Variants in LRIT3 observed in about 807,000 individuals in gnomAD.
The protein encoded by LRIT3 is leucine rich repeat, Ig-like and transmembrane domains 3, also known as leucine-rich repeat, immunoglobulin-like domain and transmembrane domain-containing protein 3.
Under a neutral mutation model 22.6 loss-of-function variants are expected in LRIT3, and 14 were observed. The ratio of observed to expected loss-of-function variants is 0.62; its 90% confidence interval spans 0.41 to 0.97. The LOEUF (loss-of-function observed/expected upper bound fraction) is 0.97. Among genes scored for constraint, LRIT3 ranks in the 50% least tolerant of loss-of-function variants. The pLI is 0.00. For missense variants in LRIT3, 783 were observed against 803.0 expected (o/e 0.98, Z 0.30); for synonymous variants, 306 against 304.5 (o/e 1.01, Z -0.05).
chr4:109,858,840 T>C (rs935624374), intron 2 of LRIT3, among the ~76,000 whole-genome samples: 5 of 152,194 alleles, frequency 3.3e-5, no homozygotes, highest in South Asian at 4.1e-4. Context: ...ACCAGTAATA[T>C]GTTTAATATG....
intron 1 of LRIT3, among the ~76,000 whole-genome samples, chr4:109,850,507 C>T (rs1047965409): frequency 2.8e-5 from 4 of 145,302 alleles, no homozygotes; most frequent in African/African-American, 1.0e-4. Flanking sequence ...GATGGAGTCT[C>T]GCTCTGTCAC....
At chr4:109,863,084 G>A (rs1734588188) in intron 2 of LRIT3, among the ~76,000 whole-genome samples, 1 of 152,162 alleles carries the variant, frequency 6.6e-6, no homozygotes, top group Non-Finnish European at 1.5e-5. Context: ...GATAGAAAGG[G>A]TATTAGATTA....
chr4:109,852,038 G>A, intron 2 of LRIT3, 62 bp downstream of exon 2: 1 of 1,408,512 alleles, frequency 7.1e-7, no homozygotes, highest in Non-Finnish European at 9.4e-7. Flanking sequence ...AGCTTTTTTT[G>A]TCCAGTCTTT....
rs867290222 is a variant in LRIT3, at chr4:109,851,608, C to A, written c.221C>A (p.Ala74Glu). Residue 74 changes from alanine (A) to glutamate (E), a missense_variant, in exon 2 of 4, where the codon GCG becomes GAG. Transcript: ENST00000594814. ...IEKTVIRRIS[A>E]EAFYYLVELQ... Reference sequence around the variant, plus strand: ...AAGACTGTCATCCGCAGAATCTCTGCGGAGGCCTTCTATTACCTGGTGGAG... The same window carrying A: ...AAGACTGTCATCCGCAGAATCTCTGAGGAGGCCTTCTATTACCTGGTGGAG... 1.3e-6 allele frequency: 2 copies of A among 1,551,620 alleles called. No homozygotes were observed. The highest frequency in any genetic ancestry group is 1.7e-6 in the Non-Finnish European group (2 of 1,147,014).
chr4:109,865,886 T>C (rs1489082903), intron 2 of LRIT3, among the ~76,000 whole-genome samples: 1 of 151,998 alleles, frequency 6.6e-6, no homozygotes, highest in Non-Finnish European at 1.5e-5. Flanking sequence ...CATAGCAATA[T>C]AAAATAAACT....
In LRIT3 at chr4:109,869,954, T is replaced by C; in HGVS notation, c.1205T>C (p.Leu402Ser). The change falls in exon 4 of 4, where the codon TTG (leucine) becomes TCG (serine). Residue 402 changes from leucine to serine, a missense_variant. Transcript: ENST00000594814. The part of the protein sequence containing the change: ...SPTSSFSAST[L>S]SPPSTASFSL... ...ACATCTTCTTTTTCTGCTTCTACTT[T>C]GTCTCCTCCCTCTACTGCTTCCTTC... 1 of 1,614,182 alleles carries C rather than the reference T, an allele frequency of 6.2e-7. No homozygotes were observed. The highest frequency in any genetic ancestry group is 8.5e-7 in the Non-Finnish European group (1 of 1,180,012).
At chr4:109,857,440 A>G (rs1055084748) in intron 2 of LRIT3, among the ~76,000 whole-genome samples, 26 of 152,244 alleles carry the variant, frequency 1.7e-4, no homozygotes, top group South Asian at 8.3e-4. Context: ...CTGTTGTCTT[A>G]GTTTTCAAGG....
chr4:109,849,566 G>A lies in LRIT3; in HGVS notation c.116+1249G>A, dbSNP rs74853479. Among the ~76,000 whole-genome samples the A allele has an allele frequency of 0.011, 1,739 of 152,218 alleles. 81 individuals are homozygous for A. The East Asian group carries it at 0.12, about 10-fold the overall frequency. On this transcript the variant is annotated intron_variant, in intron 1 of 3. Transcript: ENST00000594814. ...TCATAAAGATGCTAGATCTTTTAGC[G>A]TACAAACTAGACTTTCTTCTATGAT...
rs1157741703 is a variant in LRIT3, at chr4:109,870,098, G to T, written c.1349G>T (p.Arg450Ile). The T allele has an allele frequency of 5.0e-6, 8 of 1,614,164 alleles. No homozygotes were observed. Among genetic ancestry groups the T allele is most frequent in the Admixed American group, 1.7e-5 (1 of 60,028 alleles). ...RSFQLHQGGK[R>I]NLKVAKNGSK... Reference sequence around the variant, plus strand: ...TTCCAGCTCCACCAAGGTGGGAAAAGAAATTTAAAGGTGGCAAAGAATGGA... The same window carrying T: ...TTCCAGCTCCACCAAGGTGGGAAAATAAATTTAAAGGTGGCAAAGAATGGA... Residue 450 changes from arginine (R) to isoleucine (I), a missense_variant, in exon 4 of 4, where the codon AGA becomes ATA. By Grantham distance (97) the Arg-to-Ile change is moderately conservative. This residue lies in a region of LRIT3 where 756 missense variants were observed against 753.8 expected (regional missense o/e 1.00). Coordinates refer to ENST00000594814, the MANE Select transcript of LRIT3 (RefSeq NM_198506.5).
At chr4:109,850,429 T>TTC (rs1734209894) in intron 1 of LRIT3, among the ~76,000 whole-genome samples, 1 of 84,488 alleles carries the variant, frequency 1.2e-5, no homozygotes, top group Admixed American at 1.4e-4. Context: ...CTTCCTTTCT[T>TTC]TCTTTCTTTC....
chr4:109,859,042 C>T (rs1238014896), intron 2 of LRIT3, among the ~76,000 whole-genome samples: 1 of 152,134 alleles, frequency 6.6e-6, no homozygotes, highest in Non-Finnish European at 1.5e-5. Flanking sequence ...TGCACATAAG[C>T]TAATTTTCCA....
At chr4:109,853,401 C>T (rs1387382753) in intron 2 of LRIT3, among the ~76,000 whole-genome samples, 4 of 152,078 alleles carry the variant, frequency 2.6e-5, no homozygotes, top group Non-Finnish European at 5.9e-5. Context: ...AGTGTCTGTT[C>T]ATATCCTCTG....
At chr4:109,865,007 G>A (rs190255092) in intron 2 of LRIT3, 14 of 1,245,946 alleles carry the variant, frequency 1.1e-5, no homozygotes, top group Middle Eastern at 2.2e-4. Flanking sequence ...TTACAAATTA[G>A]GCATTCTATC....
rs1468100816 is a variant in LRIT3 at position 109,870,539 on chromosome 4, C to T, written c.1790C>T (p.Pro597Leu). ...AGTACTGCCTGTGTTGTTATCTTACCATTGATTTGTTTCTTGTTGTACAAA... is the reference window on the plus strand; with the variant it reads ...AGTACTGCCTGTGTTGTTATCTTACTATTGATTTGTTTCTTGTTGTACAAA... ...VTSTACVVIL[P>L]LICFLLYKVC... Residue 597 changes from proline to leucine, a missense_variant, in exon 4 of 4, where the codon CCA (proline) becomes CTA (leucine). Around this residue, in one of 2 missense-constraint regions of LRIT3, gnomAD observed 756 missense variants for 753.8 expected, o/e 1.00. Coordinates refer to ENST00000594814, the MANE Select transcript of LRIT3 (RefSeq NM_198506.5). 1.2e-6 allele frequency: 2 copies of T among 1,613,990 alleles called. No homozygotes were observed. Among genetic ancestry groups the T allele is most frequent in the African/African-American group, 2.7e-5 (2 of 74,900 alleles).
rs573502325 is a variant in LRIT3, at chr4:109,870,306, T to C, written c.1557T>C (p.Tyr519=). 8.1e-6 allele frequency: 13 copies of C among 1,614,202 alleles called. No homozygotes were observed. In the Admixed American group the frequency reaches 1.5e-4, roughly 19 times the overall value. Residue 519 remains tyrosine, a synonymous_variant, in exon 4 of 4, where the codon TAT becomes TAC. Transcript: ENST00000594814. ...TTHNSAVTVL[Y]SKYGGKDLLL... ...ATAACTCTGCAGTGACTGTGTTGTA[T>C]TCCAAGTATGGTGGGAAGGACCTGC... is the stretch of plus-strand genomic sequence containing the variant.
intron 2 of LRIT3, among the ~76,000 whole-genome samples, chr4:109,859,200 C>T (rs1209867133): frequency 1.3e-5 from 2 of 152,172 alleles, no homozygotes; most frequent in East Asian, 1.9e-4. Flanking sequence ...TCACCACCTT[C>T]TGGTCCCACG....
rs61742440 is a variant in LRIT3 at position 109,851,659 on chromosome 4, A to G, written c.272A>G (p.Asn91Ser). The change falls in exon 2 of 4, where the codon AAT (asparagine) becomes AGT (serine). Residue 91 changes from asparagine (N) to serine (S), a missense_variant. Around this residue, in one of 2 missense-constraint regions of LRIT3, gnomAD observed 756 missense variants for 753.8 expected, o/e 1.00. Transcript: ENST00000594814. Reference protein sequence around the residue: ...VELQYLWVTYNSVASIDPSSF... With the variant: ...VELQYLWVTYSSVASIDPSSF... ...CTCCAGTATCTCTGGGTGACTTACA[A>G]TTCCGTGGCCAGCATTGACCCCAGC... The G allele has an allele frequency of 1.5e-5, 23 of 1,551,538 alleles. No individual in the cohort carries two copies. The highest frequency in any genetic ancestry group is 1.2e-4 in the Admixed American group (6 of 50,984).
At position 109,870,163 on chromosome 4, in the gene LRIT3, C is replaced by T. The variant is rs980033089; in HGVS notation, c.1414C>T (p.Leu472=). The change falls in exon 4 of 4, where the codon CTG becomes TTG. Residue 472 remains leucine, a synonymous_variant. Coordinates refer to ENST00000594814, the MANE Select transcript of LRIT3 (RefSeq NM_198506.5). The part of the protein sequence containing the change: ...PPASTSKKEE[L]ALLDQTMLTE... ...AGCCAGCACAAGTAAGAAAGAAGAG[C>T]TGGCATTGTTGGATCAAACAATGCT... 4 of 1,614,200 alleles carry T rather than the reference C, an allele frequency of 2.5e-6. No individual in the cohort carries two copies. The South Asian group carries it at 3.3e-5, about 13-fold the overall frequency.
intron 2 of LRIT3, chr4:109,865,028 G>A (rs369323943): frequency 7.2e-7 from 1 of 1,387,248 alleles, no homozygotes; most frequent in South Asian, 1.8e-5. Flanking sequence ...ATATTCTTCT[G>A]CTTTTTACTG....
Sources: allele counts gnomAD v4.1 joint callset (sites outside exome capture counted in the v4.1 genomes callset), GRCh38; gene constraint gnomAD v4.1.1; regional missense constraint gnomAD v4.1.1; transcripts MANE v1.5; gene names NCBI Gene and HGNC (gene_info 2026-07-23, HGNC 2026-07-21).